MYO5A: variants seen among roughly 807,000 people sequenced by gnomAD.
MYO5A encodes myosin VA.
Under a neutral mutation model 249.7 loss-of-function variants are expected in MYO5A, and 98 were observed. The observed-to-expected ratio is 0.39, with a 90% CI of 0.33 to 0.46. The LOEUF (loss-of-function observed/expected upper bound fraction) is 0.46. Ranked by LOEUF, MYO5A falls within the 20% of genes least tolerant of loss-of-function variation. The pLI, the probability that MYO5A is intolerant of heterozygous loss-of-function variation, is 0.98. For missense variants in MYO5A, 1,696 were observed against 2,308.8 expected (o/e 0.73, Z 5.44); for synonymous variants, 778 against 810.6 (o/e 0.96, Z 0.68).
chr15:52,526,006 A>T (rs2077723510), intron 1 of MYO5A, among the ~76,000 whole-genome samples: 2 of 152,222 alleles, frequency 1.3e-5, no homozygotes, highest in African/African-American at 4.8e-5. Context: ...AGGATGCCTG[A>T]TAAGTATTTC....
At chr15:52,427,848 G>A (rs116046155) in intron 3 of MYO5A, among the ~76,000 whole-genome samples, 2,319 of 152,052 alleles carry the variant, frequency 0.015, 68 homozygotes, top group African/African-American at 0.053. Flanking sequence ...TGGAGAAGGG[G>A]GAAAGGAACA....
At chr15:52,458,367 G>A (rs1188688087) in intron 1 of MYO5A, among the ~76,000 whole-genome samples, 1 of 152,192 alleles carries the variant, frequency 6.6e-6, no homozygotes, top group Non-Finnish European at 1.5e-5. Context: ...CTTGAGGTCA[G>A]GAGTTCAAGA....
chr15:52,400,326 G>A (rs967186402), intron 9 of MYO5A, among the ~76,000 whole-genome samples: 1 of 152,054 alleles, frequency 6.6e-6, no homozygotes, highest in African/African-American at 2.4e-5. Context: ...TTTTGTGTGA[G>A]GGGGCAGGGT....
At chr15:52,437,466 G>A (rs1381586084) in intron 1 of MYO5A, among the ~76,000 whole-genome samples, 13 of 151,964 alleles carry the variant, frequency 8.6e-5, no homozygotes, top group South Asian at 2.1e-4. Context: ...ATGGTGGTTC[G>A]TGCCTGTAAC....
intron 1 of MYO5A, among the ~76,000 whole-genome samples, chr15:52,456,048 T>C (rs1461331379): frequency 6.6e-6 from 1 of 152,080 alleles, no homozygotes; most frequent in African/African-American, 2.4e-5. Flanking sequence ...CATGATCTTA[T>C]TATTTAGAAA....
chr15:52,324,311 G>T (rs548113007), intron 36 of MYO5A, among the ~76,000 whole-genome samples: 8 of 152,242 alleles, frequency 5.3e-5, no homozygotes, highest in African/African-American at 1.9e-4. Flanking sequence ...GGCCACCGTG[G>T]CAGGAAGAAG....
intron 11 of MYO5A, among the ~76,000 whole-genome samples, chr15:52,392,756 A>C (rs1669873): frequency 0.85 from 129,032 of 152,066 alleles, 58,459 homozygotes; most frequent in Non-Finnish European, 0.99. Context: ...ACCATGTGCC[A>C]GTCACTGCAC....
chr15:52,441,721 T>C (rs1193291238), intron 1 of MYO5A, among the ~76,000 whole-genome samples: 1 of 152,224 alleles, frequency 6.6e-6, no homozygotes, highest in Non-Finnish European at 1.5e-5. Context: ...CTCTCCATTC[T>C]CAACATCTCT....
intron 25 of MYO5A, among the ~76,000 whole-genome samples, chr15:52,356,543 T>C (rs1008686225): frequency 6.6e-6 from 1 of 152,008 alleles, no homozygotes; most frequent in African/African-American, 2.4e-5. Context: ...TGCTTAGCTA[T>C]TATTTTACTG....
At chr15:52,320,777 G>A (rs1246872183) in intron 38 of MYO5A, among the ~76,000 whole-genome samples, 1 of 152,118 alleles carries the variant, frequency 6.6e-6, no homozygotes, top group Non-Finnish European at 1.5e-5. Flanking sequence ...ACTTTGGGAG[G>A]CCGAGGTGAG....
At chr15:52,348,348 C>G (rs76364723) in intron 29 of MYO5A, among the ~76,000 whole-genome samples, 1 of 152,200 alleles carries the variant, frequency 6.6e-6, no homozygotes, top group African/African-American at 2.4e-5. Context: ...ACCTCGTCAA[C>G]GAGCCACATT....
At chr15:52,352,397 T>A (rs1424079263) in intron 27 of MYO5A, among the ~76,000 whole-genome samples, 1 of 152,208 alleles carries the variant, frequency 6.6e-6, no homozygotes, top group Non-Finnish European at 1.5e-5. Context: ...ACTGAAACAC[T>A]TGTGTATAAA....
chr15:52,340,967 A>T (rs2039355446), intron 31 of MYO5A, among the ~76,000 whole-genome samples: 2 of 150,332 alleles, frequency 1.3e-5, no homozygotes, highest in South Asian at 4.2e-4. Context: ...AAAAAAAAAG[A>T]GGGTCATAGG....
chr15:52,377,116 T>C (rs764607922), intron 18 of MYO5A, among the ~76,000 whole-genome samples: 2 of 152,174 alleles, frequency 1.3e-5, no homozygotes, highest in Non-Finnish European at 2.9e-5. Flanking sequence ...CAAAACCCCA[T>C]AAATATGTTT....
chr15:52,319,714 G>C (rs2038209745), intron 38 of MYO5A, among the ~76,000 whole-genome samples: 1 of 152,168 alleles, frequency 6.6e-6, no homozygotes, highest in Non-Finnish European at 1.5e-5. Context: ...CTGGGTGACA[G>C]AGAGAGACTC....
At chr15:52,484,089 C>T (rs1020005452) in intron 1 of MYO5A, among the ~76,000 whole-genome samples, 1 of 152,034 alleles carries the variant, frequency 6.6e-6, no homozygotes, top group Non-Finnish European at 1.5e-5. Context: ...TCAAGTAGGC[C>T]AGGAAAAGTA....
chr15:52,462,585 C>T (rs1031619185), intron 1 of MYO5A, among the ~76,000 whole-genome samples: 1 of 152,056 alleles, frequency 6.6e-6, no homozygotes, highest in African/African-American at 2.4e-5. Context: ...CAGTGGCTCA[C>T]GCCTATAATC....
intron 1 of MYO5A, among the ~76,000 whole-genome samples, chr15:52,480,962 T>C (rs1207101049): frequency 6.6e-6 from 1 of 152,200 alleles, no homozygotes; most frequent in Non-Finnish European, 1.5e-5. Flanking sequence ...TGCAGCTGGA[T>C]TCATGGTTGG....
chr15:52,439,090 T>C (rs1030337783), intron 1 of MYO5A, among the ~76,000 whole-genome samples: 28 of 152,354 alleles, frequency 1.8e-4, no homozygotes, highest in Non-Finnish European at 3.8e-4. Context: ...CCACGGCTTC[T>C]AATAGAGCTA....
Sources: allele counts gnomAD v4.1 joint callset (sites outside exome capture counted in the v4.1 genomes callset), GRCh38; gene constraint gnomAD v4.1.1; transcripts MANE v1.5; gene names NCBI Gene and HGNC (gene_info 2026-07-23, HGNC 2026-07-21).